The following MYH8 variants were observed in gnomAD, a reference collection of about 807,000 sequenced individuals.
MYH8 encodes the protein myosin-8.
In MYH8, 168 loss-of-function variants were observed where a neutral mutation model predicts 233.2. The observed-to-expected ratio is 0.72, with a 90% CI of 0.64 to 0.82. MYH8 has a LOEUF of 0.82. Ranked by LOEUF, MYH8 falls within the 40% of genes least tolerant of loss-of-function variation. The pLI is 0.00. For missense variants in MYH8, 1,995 were observed against 2,327.8 expected, an observed-to-expected ratio of 0.86 and a Z score of 2.94; for synonymous variants, 785 against 850.6, an observed-to-expected ratio of 0.92 and a Z score of 1.34.
rs1367337325 is a variant in MYH8 at position 10,406,893 on chromosome 17, A to G, written c.2052T>C (p.Pro684=). 1 of 1,613,752 alleles carries G rather than the reference A, an allele frequency of 6.2e-7. No homozygotes were observed. Among genetic ancestry groups the G allele is most frequent in the Admixed American group, 1.7e-5 (1 of 60,008 alleles). The change falls in exon 18 of 40, where the codon CCT becomes CCC. Residue 684 remains proline (P), a splice_region_variant and synonymous_variant. Transcript: ENST00000403437. ...ATTATTTCACTCTCTGTGTCTTACC[A>G]GGAGTTTTGGTTTCATTGGGAATGA... ...RCIIPNETKT[P]GAMEHELVLH...
intron 21 of MYH8, among the ~76,000 whole-genome samples, chr17:10,405,686 AT>A (rs2072186492): frequency 6.6e-6 from 1 of 152,168 alleles, no homozygotes; most frequent in Admixed American, 6.5e-5. Context: ...CAAATGAGAG[AT>A]TAGTAGATAA....
intron 35 of MYH8, among the ~76,000 whole-genome samples, chr17:10,393,875 A>C (rs1464310585): frequency 6.6e-6 from 1 of 152,030 alleles, no homozygotes; most frequent in Non-Finnish European, 1.5e-5. Context: ...GAAACACTGC[A>C]TGGAACATTT....
Position 10,396,801 on chromosome 17 carries a change from A to T in MYH8, c.4362+2T>A. On this transcript the variant is annotated splice_donor_variant, in intron 31 of 39. Coordinates refer to ENST00000403437, the MANE Select transcript of MYH8 (RefSeq NM_002472.3). LOFTEE classifies it high-confidence loss of function. The surrounding 1 kb of genome is among the most constrained non-coding windows in gnomAD (Gnocchi z 4.2). ...TCTTAAAGTTTAAGCAGTCTGGGCC[A>T]CCTTGTCAAAGTTCCTTTGCTTCTT... 6.2e-7 allele frequency: 1 copy of T among 1,614,230 alleles called. No individual in the cohort carries two copies. The highest frequency in any genetic ancestry group is 8.5e-7 in the Non-Finnish European group (1 of 1,180,030).
chr17:10,420,860 T>C (rs565549139), intron 2 of MYH8, among the ~76,000 whole-genome samples: 1 of 152,364 alleles, frequency 6.6e-6, no homozygotes, highest in Admixed American at 6.5e-5. Flanking sequence ...CCCAACAGAC[T>C]TAGCATTGCC....
Position 10,415,320 on chromosome 17 carries a change from G to C in MYH8, c.713C>G (p.Thr238Ser). The C allele has an allele frequency of 1.9e-6, 3 of 1,614,144 alleles. No individual in the cohort carries two copies. The highest frequency in any genetic ancestry group is 2.5e-6 in the Non-Finnish European group (3 of 1,179,964). ...GCGAGAGGAGTTGTCATTCCTCACA[G>C]TTTTGGCATTGCCAAAGGCCTCCAG... is the stretch of plus-strand genomic sequence containing the variant. Reference protein sequence around the residue: ...PLLEAFGNAKTVRNDNSSRFG... With the variant: ...PLLEAFGNAKSVRNDNSSRFG... Residue 238 changes from threonine to serine, a missense_variant, in exon 8 of 40, where the codon ACT becomes AGT. By Grantham distance (58) the Thr-to-Ser change is moderately conservative (BLOSUM62 1). Transcript: ENST00000403437. This position sits in a 1 kb window ranked among gnomAD's most constrained non-coding sequence, Gnocchi z 4.1.
chr17:10,400,601 T>C lies in MYH8; in HGVS notation c.3524A>G (p.Gln1175Arg), dbSNP rs1441942691. 6.2e-7 allele frequency: 1 copy of C among 1,614,240 alleles called. No individual in the cohort carries two copies. The highest frequency in any genetic ancestry group is 1.3e-5 in the African/African-American group (1 of 75,070). ...CTCCTCCAGGTCCCTGCGCAGTTTC[T>C]GAAACTCAGCCTCCCGCTTCTTGTT... ...ELNKKREAEF[Q>R]KLRRDLEEAT... Residue 1175 changes from glutamine to arginine, a missense_variant, in exon 27 of 40, where the codon CAG becomes CGG. Physicochemically the swap from Gln to Arg is conservative, Grantham distance 43. Transcript: ENST00000403437. This position sits in a 1 kb window ranked among gnomAD's most constrained non-coding sequence, Gnocchi z 4.0.
Position 10,401,370 on chromosome 17 carries a change from T to A in MYH8, c.3013A>T (p.Thr1005Ser). The change falls in exon 24 of 40, where the codon ACC becomes TCC. Residue 1005 changes from threonine to serine, a missense_variant. Transcript: ENST00000403437. ...AGGTCATCCAGGGTCTGCTGGTGGG[T>A]CTCTTGGAGAGCCTTCTTCTCCTTG... ...LSKEKKALQETHQQTLDDLQA... is the reference protein window; with the variant it reads ...LSKEKKALQESHQQTLDDLQA... 1 of 1,614,116 alleles carries A rather than the reference T, an allele frequency of 6.2e-7. No homozygotes were observed. The highest frequency in any genetic ancestry group is 1.1e-5 in the South Asian group (1 of 91,076).
intron 2 of MYH8, among the ~76,000 whole-genome samples, chr17:10,420,672 G>T (rs1245774079): frequency 6.6e-6 from 1 of 152,140 alleles, no homozygotes; most frequent in Non-Finnish European, 1.5e-5. Context: ...TCAAATGAAG[G>T]TTCATATTTT....
In MYH8 at chr17:10,420,251, AT is replaced by A; in HGVS notation, c.-25del. On this transcript the variant is annotated 5_prime_UTR_variant, in exon 3 of 40. Coordinates refer to ENST00000403437, the MANE Select transcript of MYH8 (RefSeq NM_002472.3). ...ATGGCTGCGATTTATTTAGCAAAGG[AT>A]TCTGCCTAGGGAGGAGAGAAACGGG... 6.2e-7 allele frequency: 1 copy of A among 1,611,972 alleles called. No homozygotes were observed.
Position 10,397,064 on chromosome 17 carries a change from G to A in MYH8, c.4179-78C>T, listed in dbSNP as rs186100552. Reference sequence around the variant, plus strand: ...ATAACCTCCTTGGTCCCTTTTCACAGTCCTATTTCTTTTCTTTTCTTTTGT... The same window carrying A: ...ATAACCTCCTTGGTCCCTTTTCACAATCCTATTTCTTTTCTTTTCTTTTGT... On this transcript the variant is annotated intron_variant, in intron 30 of 39. Coordinates refer to ENST00000403437, the MANE Select transcript of MYH8 (RefSeq NM_002472.3). The A allele has an allele frequency of 3.7e-4, 544 of 1,463,560 alleles. 4 individuals carry two copies. The South Asian group carries it at 6.0e-3, about 16-fold the overall frequency. The allele number at this position is 1,463,560 out of a possible 1,614,324, so 90.7% of individuals were successfully genotyped here.
chr17:10,409,164 T>C lies in MYH8; in HGVS notation c.1898A>G (p.Asp633Gly), dbSNP rs758822435. 51 of 1,614,090 alleles carry C rather than the reference T, an allele frequency of 3.2e-5. No individual in the cohort carries two copies. In the African/African-American group the frequency reaches 6.4e-4, roughly 20 times the overall value. ...LFSTYASAEA[D>G]SSAKKGAKKK... ...CTTAGCACCTTTCTTCGCGCTGCTA[T>C]CTGAGGTAAAAAGAAAACCCGTGAA... The change falls in exon 17 of 40, where the codon GAT becomes GGT. Residue 633 changes from aspartate (D) to glycine (G), a missense_variant and splice_region_variant. Transcript: ENST00000403437.
rs557124049 is a variant in MYH8, at chr17:10,393,807, C to T, written c.5166+442G>A. Among the ~76,000 whole-genome samples, 6 of 152,146 alleles carry T rather than the reference C, an allele frequency of 3.9e-5. No homozygotes were observed. In the South Asian group the frequency reaches 1.0e-3, roughly 26 times the overall value. The stretch of plus-strand genomic sequence containing the variant: ...GGGCAGGTTAGGAATGCTAAATGAG[C>T]TGTAAGGCATGGGGACAGTGAACAC... On this transcript the variant is annotated intron_variant, in intron 35 of 39. Coordinates refer to ENST00000403437, the MANE Select transcript of MYH8 (RefSeq NM_002472.3).
chr17:10,404,581 C>A lies in MYH8; in HGVS notation c.2437G>T (p.Ala813Ser). The A allele has an allele frequency of 1.2e-6, 2 of 1,613,894 alleles. No individual in the cohort carries two copies. Among genetic ancestry groups the A allele is most frequent in the East Asian group, 4.5e-5 (2 of 44,878 alleles). Residue 813 changes from alanine (A) to serine (S), a missense_variant, in exon 22 of 40, where the codon GCA becomes TCA. Transcript: ENST00000403437. ...ACATTATACTGGATGCAGAAAAGTG[C>A]TTCTCTGCGATGACATGAAAATATC... ...EYQKMLQRRE[A>S]LFCIQYNVRA... is the part of the protein sequence containing the mutation.
At chr17:10,393,365 G>C (rs2072047894) in intron 35 of MYH8, among the ~76,000 whole-genome samples, 155 bp from the exon 36 acceptor site, 1 of 152,150 alleles carries the variant, frequency 6.6e-6, no homozygotes, top group Admixed American at 6.5e-5. Context: ...TTATTTGCAA[G>C]GTAGGAACTC....
At position 10,390,558 on chromosome 17, in the gene MYH8, G is replaced by A. The variant is rs749314949; in HGVS notation, c.5710C>T (p.His1904Tyr). 1.9e-6 allele frequency: 3 copies of A among 1,614,176 alleles called. No homozygotes were observed. The Admixed American group carries it at 5.0e-5, about 27-fold the overall frequency. Residue 1904 changes from histidine (H) to tyrosine (Y), a missense_variant, in exon 40 of 40, where the codon CAT becomes TAT. Transcript: ENST00000403437. ...ANLSKFRKLQ[H>Y]ELEEAEERAD... Reference sequence around the variant, plus strand: ...CGTTCCTCGGCCTCCTCCAGCTCATGCTGGAGTTTGCGGAATTTAGATAGA... The same window carrying A: ...CGTTCCTCGGCCTCCTCCAGCTCATACTGGAGTTTGCGGAATTTAGATAGA...
chr17:10,394,532 C>T, intron 34 of MYH8, 80 bp from the exon 35 acceptor site: 4 of 1,512,566 alleles, frequency 2.6e-6, no homozygotes, highest in East Asian at 2.3e-5. Context: ...GGAGATTGTA[C>T]TGGTGACAGG....
At chr17:10,414,789 T>C (rs2072274936) in intron 9 of MYH8, among the ~76,000 whole-genome samples, 1 of 152,200 alleles carries the variant, frequency 6.6e-6, no homozygotes, top group African/African-American at 2.4e-5. Flanking sequence ...GGGCCTACCT[T>C]GGAAACATCT....
In MYH8 at chr17:10,402,973, T is replaced by C. The variant is rs958378234; in HGVS notation, c.2689-1188A>G. On this transcript the variant is annotated intron_variant, in intron 22 of 39. Transcript: ENST00000403437. ...CAGGACAATTCTAGTTAAGGAAAGA[T>C]TGATGAACTGTTCTTAGCCCTTTCT... is the stretch of plus-strand genomic sequence containing the variant. Among the ~76,000 whole-genome samples, 7 of 152,216 alleles carry C rather than the reference T, an allele frequency of 4.6e-5. No homozygotes were observed. The South Asian group carries it at 6.2e-4, about 14-fold the overall frequency.
chr17:10,405,289 G>A (rs951687358), intron 21 of MYH8, among the ~76,000 whole-genome samples: 1 of 152,204 alleles, frequency 6.6e-6, no homozygotes, highest in African/African-American at 2.4e-5. Flanking sequence ...GTGAAAAATA[G>A]TAATAAAAGG....
Sources: gnomAD v4.1 joint callset for allele counts (sites outside exome capture counted in the v4.1 genomes callset) on GRCh38, gnomAD v4.1.1 for gene constraint, Gnocchi (gnomAD v3.1) non-coding constraint, MANE v1.5 for transcripts, NCBI Gene and HGNC (gene_info 2026-07-23, HGNC 2026-07-21) for gene names.